KLHL29: variants seen among roughly 807,000 people sequenced by gnomAD.
KLHL29 encodes the protein kelch like family member 29.
Under a neutral mutation model 80.4 loss-of-function variants are expected in KLHL29, and 21 were observed. The ratio of observed to expected loss-of-function variants is 0.26; its 90% CI spans 0.19 to 0.38. KLHL29 has a LOEUF of 0.38. KLHL29 is among the 10% of genes least tolerant of loss of function. KLHL29 has a pLI of 1.00. For missense variants in KLHL29, 867 were observed against 1,223.9 expected, an observed-to-expected ratio of 0.71 and a Z score of 4.35; for synonymous variants, 511 against 526.8, an observed-to-expected ratio of 0.97 and a Z score of 0.41.
At chr2:23,641,410 C>T (rs1460036599) in intron 4 of KLHL29, among the ~76,000 whole-genome samples, 2 of 152,208 alleles carry the variant, frequency 1.3e-5, no homozygotes, top group African/African-American at 2.4e-5. Flanking sequence ...GGGTCCCTCC[C>T]CTCCTGCGAG....
rs1020291779 is a variant in KLHL29, at chr2:23,647,356, C to A, written c.940+4506C>A. Among the ~76,000 whole-genome samples, 2 of 152,202 alleles carry A rather than the reference C, an allele frequency of 1.3e-5. No individual in the cohort carries two copies. The highest frequency in any genetic ancestry group is 2.9e-5 in the Non-Finnish European group (2 of 68,034). ...TCAGGCCAGAGGCACAGAATTTTAT[C>A]CAGACTGAAACTGTCTTCCCACAGA... is the stretch of plus-strand genomic sequence containing the variant. On this transcript the variant is annotated intron_variant, in intron 5 of 13. Transcript: ENST00000486442. The surrounding 1 kb of genome is among the most constrained non-coding windows in gnomAD (Gnocchi z 4.9).
At chr2:23,691,416 T>A (rs1671592644) in intron 6 of KLHL29, 2 of 546,952 alleles carry the variant, frequency 3.7e-6, no homozygotes, top group Admixed American at 6.3e-5. Context: ...TAGCTCATGC[T>A]TTTTGATTTG....
At chr2:23,648,239 C>T (rs1393008046) in intron 5 of KLHL29, among the ~76,000 whole-genome samples, 1 of 152,126 alleles carries the variant, frequency 6.6e-6, no homozygotes, top group Non-Finnish European at 1.5e-5. Context: ...TCAGTTTCCT[C>T]ATCTATAAAA....
At chr2:23,528,510 G>A (rs111514475) in intron 2 of KLHL29, among the ~76,000 whole-genome samples, 2 of 152,206 alleles carry the variant, frequency 1.3e-5, no homozygotes, top group African/African-American at 2.4e-5. Context: ...GGCTGTACAG[G>A]ACGAGGCCAC....
chr2:23,575,574 G>A (rs1207806579), intron 3 of KLHL29, among the ~76,000 whole-genome samples: 1 of 152,198 alleles, frequency 6.6e-6, no homozygotes, highest in East Asian at 1.9e-4. Context: ...ATTGCATGAG[G>A]TTGGGGCCGT....
chr2:23,583,667 C>T (rs752652508), intron 3 of KLHL29, among the ~76,000 whole-genome samples: 12 of 152,088 alleles, frequency 7.9e-5, no homozygotes, highest in African/African-American at 1.4e-4. Flanking sequence ...TAAAGGGAGC[C>T]GACATTGGGA....
chr2:23,660,531 C>T (rs1670375594), intron 5 of KLHL29, among the ~76,000 whole-genome samples: 1 of 152,242 alleles, frequency 6.6e-6, no homozygotes, highest in Admixed American at 6.5e-5. Flanking sequence ...AGGAGAATTC[C>T]AGGAAGGGGA....
At chr2:23,482,894 T>C (rs1572348874) in intron 2 of KLHL29, among the ~76,000 whole-genome samples, 1 of 152,196 alleles carries the variant, frequency 6.6e-6, no homozygotes, top group Non-Finnish European at 1.5e-5. Context: ...GTAGTCACAT[T>C]GTACATTGTC....
intron 1 of KLHL29, among the ~76,000 whole-genome samples, chr2:23,397,886 A>G (rs1242162919): frequency 6.6e-6 from 1 of 152,250 alleles, no homozygotes; most frequent in African/African-American, 2.4e-5. Context: ...TCATTGGGGA[A>G]ATGGAAGTCA....
chr2:23,701,800 T>C (rs867540662), intron 11 of KLHL29, among the ~76,000 whole-genome samples: 9,468 of 129,706 alleles, frequency 0.073, 1,032 homozygotes, highest in African/African-American at 0.097. Flanking sequence ...TTGCTTTTTT[T>C]TTTTTTTTTT....
intron 2 of KLHL29, among the ~76,000 whole-genome samples, chr2:23,522,738 G>A (rs1429989478): frequency 6.6e-6 from 1 of 152,094 alleles, no homozygotes. Context: ...CAAGCCCTGA[G>A]TCTGGACCCC....
At chr2:23,510,396 T>C (rs1158837387) in intron 2 of KLHL29, among the ~76,000 whole-genome samples, 1 of 152,138 alleles carries the variant, frequency 6.6e-6, no homozygotes, top group Admixed American at 6.6e-5. Flanking sequence ...GCCCCAGTTG[T>C]GAGCACCTGA....
intron 1 of KLHL29, among the ~76,000 whole-genome samples, chr2:23,432,554 A>C (rs1369090894): frequency 6.6e-6 from 1 of 152,254 alleles, no homozygotes; most frequent in Non-Finnish European, 1.5e-5. Flanking sequence ...TCAGTAATAC[A>C]CATGTAGATT....
chr2:23,593,900 C>T (rs1203838752), intron 3 of KLHL29, among the ~76,000 whole-genome samples: 1 of 152,202 alleles, frequency 6.6e-6, no homozygotes, highest in East Asian at 1.9e-4. Flanking sequence ...CAAGCTTTTC[C>T]TTCAGGGCCC....
intron 1 of KLHL29, among the ~76,000 whole-genome samples, chr2:23,386,019 C>T (rs1192637436): frequency 1.3e-5 from 2 of 152,116 alleles, no homozygotes; most frequent in South Asian, 2.1e-4. Flanking sequence ...AAAAAACTTC[C>T]TGCCCCCGGG....
chr2:23,602,271 G>A lies in KLHL29; in HGVS notation c.286-36868G>A, dbSNP rs142448130. Among the ~76,000 whole-genome samples the A allele has an allele frequency of 1.0e-3, 157 of 152,292 alleles. 1 individual carries two copies. The East Asian group carries it at 0.022, about 22-fold the overall frequency. On this transcript the variant is annotated intron_variant, in intron 3 of 13. Coordinates refer to ENST00000486442, the MANE Select transcript of KLHL29 (RefSeq NM_052920.2). ...TCCCAGAGCATCTCCTGAGTCATCC[G>A]TCCCAGCACCCCCCTGCCCCAGGGC...
In KLHL29 at chr2:23,627,657, G is replaced by C. The variant is rs377627962; in HGVS notation, c.286-11482G>C. On this transcript the variant is annotated intron_variant, in intron 3 of 13. Transcript: ENST00000486442. Reference sequence around the variant, plus strand: ...TTGTCTCTTTGTCTCGCTGCCCCTCGGTGTGACTCTGCCGCGTCCCCTCTC... The same window carrying C: ...TTGTCTCTTTGTCTCGCTGCCCCTCCGTGTGACTCTGCCGCGTCCCCTCTC... Among the ~76,000 whole-genome samples, 19 of 152,210 alleles carry C rather than the reference G, an allele frequency of 1.2e-4. No homozygotes were observed. The East Asian group carries it at 3.5e-3, about 28-fold the overall frequency.
At chr2:23,599,410 A>G (rs1296087264) in intron 3 of KLHL29, among the ~76,000 whole-genome samples, 1 of 152,198 alleles carries the variant, frequency 6.6e-6, no homozygotes, top group Non-Finnish European at 1.5e-5. Flanking sequence ...ATGTCTGTTT[A>G]GTTATATTTT....
At chr2:23,618,349 G>A (rs780626603) in intron 3 of KLHL29, among the ~76,000 whole-genome samples, 8 of 152,104 alleles carry the variant, frequency 5.3e-5, no homozygotes, top group South Asian at 2.1e-4. Flanking sequence ...GGGTGTGTCC[G>A]TGAGGGTGTT....
Sources: allele counts gnomAD v4.1 joint callset (sites outside exome capture counted in the v4.1 genomes callset), GRCh38; gene constraint gnomAD v4.1.1; non-coding constraint Gnocchi (gnomAD v3.1); transcripts MANE v1.5; gene names NCBI Gene and HGNC (gene_info 2026-07-23, HGNC 2026-07-21).